CEP55: variants seen among roughly 807,000 people sequenced by gnomAD.
The protein encoded by CEP55 is centrosomal protein of 55 kDa.
In CEP55, 57 loss-of-function variants were observed where a neutral mutation model predicts 63.2. The observed-to-expected ratio is 0.90, with a 90% CI of 0.73 to 1.13. CEP55 has a LOEUF of 1.13. CEP55 is among the 50% of genes most tolerant of loss of function. The pLI is 0.00. For missense variants in CEP55, 456 were observed against 518.9 expected, an observed-to-expected ratio of 0.88 and a Z score of 1.18; for synonymous variants, 178 against 191.6, an observed-to-expected ratio of 0.93 and a Z score of 0.59.
intron 8 of CEP55, among the ~76,000 whole-genome samples, chr10:93,522,314 A>G (rs141766597): frequency 0.083 from 12,684 of 152,330 alleles, 739 homozygotes; most frequent in Non-Finnish European, 0.12. Context: ...AGCCGATTTG[A>G]TCAACTGGAA....
rs2057700830 is a variant in CEP55, at chr10:93,507,436, G to C, written c.528+380G>C. Among the ~76,000 whole-genome samples the C allele has an allele frequency of 1.3e-5, 2 of 151,624 alleles. 1 individual carries two copies. Among genetic ancestry groups the C allele is most frequent in the South Asian group, 4.2e-4 (2 of 4,794 alleles). On this transcript the variant is annotated intron_variant, in intron 4 of 8. Transcript: ENST00000371485. Reference sequence around the variant, plus strand: ...GGGGTTTCACCATGTTGGCCAGGCTGGTCTCAAACTCCTGACCTCAAGTGA... The same window carrying C: ...GGGGTTTCACCATGTTGGCCAGGCTCGTCTCAAACTCCTGACCTCAAGTGA...
chr10:93,527,314 G>A (rs1027956188), intron 8 of CEP55, among the ~76,000 whole-genome samples: 5 of 152,136 alleles, frequency 3.3e-5, no homozygotes, highest in Non-Finnish European at 5.9e-5. Flanking sequence ...TATTGCTGAC[G>A]TTGCCTCTGT....
chr10:93,514,244 T>G (rs781091410), intron 4 of CEP55, among the ~76,000 whole-genome samples: 7 of 152,180 alleles, frequency 4.6e-5, no homozygotes, highest in Non-Finnish European at 1.0e-4. Flanking sequence ...AGACCCCATT[T>G]CTGAATAAGG....
At chr10:93,525,827 G>C (rs2057916276) in intron 8 of CEP55, among the ~76,000 whole-genome samples, 1 of 152,142 alleles carries the variant, frequency 6.6e-6, no homozygotes, top group African/African-American at 2.4e-5. Flanking sequence ...ACAACAACAA[G>C]AAATGGGGAA....
chr10:93,510,323 T>C (rs1263537294), intron 4 of CEP55, among the ~76,000 whole-genome samples: 1 of 152,188 alleles, frequency 6.6e-6, no homozygotes, highest in Non-Finnish European at 1.5e-5. Context: ...TAAATAATAA[T>C]TGTTTTAAAA....
chr10:93,509,938 A>G (rs1482446246), intron 4 of CEP55, among the ~76,000 whole-genome samples: 1 of 152,212 alleles, frequency 6.6e-6, no homozygotes, highest in Non-Finnish European at 1.5e-5. Context: ...ACACTGGCAC[A>G]TTATTTGGCT....
intron 4 of CEP55, among the ~76,000 whole-genome samples, chr10:93,514,394 G>A (rs969634262): frequency 1.3e-5 from 2 of 152,230 alleles, no homozygotes; most frequent in Non-Finnish European, 2.9e-5. Context: ...TATAAAGGAT[G>A]AAAGTTGGTA....
At chr10:93,522,383 G>A (rs79310673) in intron 8 of CEP55, among the ~76,000 whole-genome samples, 1 of 152,136 alleles carries the variant, frequency 6.6e-6, no homozygotes, top group African/African-American at 2.4e-5. Flanking sequence ...GAGAAGTTTT[G>A]AGAAAAAAGG....
At chr10:93,524,434 G>A (rs1378219122) in intron 8 of CEP55, among the ~76,000 whole-genome samples, 3 of 152,110 alleles carry the variant, frequency 2.0e-5, no homozygotes, top group Non-Finnish European at 4.4e-5. Flanking sequence ...CTCTGAAATT[G>A]AGGCAATAAT....
chr10:93,506,493 C>A (rs1287695609), intron 3 of CEP55, among the ~76,000 whole-genome samples: 1 of 152,116 alleles, frequency 6.6e-6, no homozygotes, highest in African/African-American at 2.4e-5. Flanking sequence ...TTCAGGGGAT[C>A]TTAATTTTCA....
At chr10:93,502,075 T>G (rs2057641186) in intron 2 of CEP55, among the ~76,000 whole-genome samples, 1 of 152,234 alleles carries the variant, frequency 6.6e-6, no homozygotes, top group African/African-American at 2.4e-5. Flanking sequence ...TTTTGCTTCC[T>G]CTTAACTTTT....
In CEP55 at chr10:93,496,627, G is replaced by C. The variant is rs1368670790; in HGVS notation, c.-309G>C. 6.6e-6 allele frequency: 1 copy of C among 152,238 alleles called. No individual in the cohort carries two copies. Among genetic ancestry groups the C allele is most frequent in the South Asian group, 2.1e-4 (1 of 4,840 alleles). 9.4% of individuals were successfully genotyped at this position (152,238 alleles called of 1,614,324 possible). A position where few individuals can be genotyped will look rare whatever the true frequency, so the allele number is the denominator to read the frequency against. ...CGCGGGATTCAAACTCCCGGAAGCG[G>C]CATCCACACCTGATGGTGTGACTCG... On this transcript the variant is annotated 5_prime_UTR_variant, in exon 1 of 9. Transcript: ENST00000371485.
intron 4 of CEP55, among the ~76,000 whole-genome samples, chr10:93,509,367 A>G (rs2057719343): frequency 6.6e-6 from 1 of 152,096 alleles, no homozygotes; most frequent in South Asian, 2.1e-4. Context: ...CACAGACTCT[A>G]ATATACTAGG....
At chr10:93,497,564 C>G (rs2057585451) in intron 1 of CEP55, among the ~76,000 whole-genome samples, 1 of 152,116 alleles carries the variant, frequency 6.6e-6, no homozygotes, top group Admixed American at 6.5e-5. Context: ...CCGCGCCCGG[C>G]CCCAATCAAC....
intron 7 of CEP55, chr10:93,519,251 A>C: frequency 2.4e-6 from 1 of 414,268 alleles, no homozygotes; most frequent in Non-Finnish European, 4.4e-6. Flanking sequence ...TAGCCTAACA[A>C]TGTCTCCTAA....
chr10:93,497,296 C>T lies in CEP55; in HGVS notation c.-13+373C>T, dbSNP rs1333409864. Among the ~76,000 whole-genome samples the T allele has an allele frequency of 2.6e-5, 4 of 152,044 alleles. No homozygotes were observed. In the East Asian group the frequency reaches 7.7e-4, roughly 29 times the overall value. On this transcript the variant is annotated intron_variant, in intron 1 of 8. Transcript: ENST00000371485. ...TTTCTTTTTTTTTGAGATGGAGTCT[C>T]GCTCTGTCACCAAGGCTGGAGTGCA...
At chr10:93,506,332 A>G (rs2057688531) in intron 3 of CEP55, among the ~76,000 whole-genome samples, 1 of 152,200 alleles carries the variant, frequency 6.6e-6, no homozygotes, top group South Asian at 2.1e-4. Flanking sequence ...GTGTCATTTA[A>G]ATAGCCTAGT....
intron 3 of CEP55, among the ~76,000 whole-genome samples, chr10:93,506,224 G>A (rs1202021418): frequency 6.6e-6 from 1 of 152,206 alleles, no homozygotes; most frequent in Non-Finnish European, 1.5e-5. Flanking sequence ...TTATAGGCGC[G>A]AGCCACTGCA....
Position 93,506,388 on chromosome 10 carries a change from T to C in CEP55, c.460-600T>C, listed in dbSNP as rs186928584. On this transcript the variant is annotated intron_variant, in intron 3 of 8. Coordinates refer to ENST00000371485, the MANE Select transcript of CEP55 (RefSeq NM_018131.5). ...GGTAAAAATCACTGGGCTATTCATA[T>C]GCACTGAGGGCTATTCTGGCAATCC... 5.9e-5 allele frequency among the ~76,000 whole-genome samples: 9 copies of C among 152,342 alleles called. No homozygotes were observed. The East Asian group carries it at 1.7e-3, about 29-fold the overall frequency.
Sources: allele counts gnomAD v4.1 joint callset (sites outside exome capture counted in the v4.1 genomes callset), GRCh38; gene constraint gnomAD v4.1.1; transcripts MANE v1.5; gene names NCBI Gene and HGNC (gene_info 2026-07-23, HGNC 2026-07-21).